Variants in SNTG2 observed in about 807,000 individuals in gnomAD.
The protein encoded by SNTG2 is syntrophin gamma 2.
In SNTG2, 74 loss-of-function variants were observed where a neutral mutation model predicts 70.9. The observed-to-expected ratio is 1.04, with a 90% CI of 0.86 to 1.27. SNTG2 has a LOEUF of 1.27. SNTG2 is among the 50% of genes most tolerant of loss of function. SNTG2 has a pLI of 0.00. For synonymous variants in SNTG2, 278 were observed against 273.8 expected (o/e 1.02, Z -0.15); for missense variants, 717 against 690.7 (o/e 1.04, Z -0.43).
chr2:1,313,923 C>A (rs371023300), intron 15 of SNTG2, among the ~76,000 whole-genome samples: 2 of 152,180 alleles, frequency 1.3e-5, no homozygotes, highest in Admixed American at 1.3e-4. Flanking sequence ...ATTCTCAAAT[C>A]TGCAAATATT....
At chr2:1,114,881 A>C (rs1285032026) in intron 4 of SNTG2, among the ~76,000 whole-genome samples, 1 of 151,700 alleles carries the variant, frequency 6.6e-6, no homozygotes, top group Non-Finnish European at 1.5e-5. Flanking sequence ...AATGGTGTGT[A>C]CTAAGTGTGG....
chr2:1,258,162 C>A (rs575304049), intron 12 of SNTG2, among the ~76,000 whole-genome samples: 5 of 152,232 alleles, frequency 3.3e-5, no homozygotes, highest in Non-Finnish European at 4.4e-5. Context: ...GAGGAATCAG[C>A]GGGCACTGCT....
chr2:1,066,280 A>T (rs933878562), intron 1 of SNTG2, among the ~76,000 whole-genome samples: 3 of 152,186 alleles, frequency 2.0e-5, no homozygotes, highest in African/African-American at 7.2e-5. Flanking sequence ...GGTTGGTGAG[A>T]GATCAGGTGA....
At chr2:1,069,446 C>A (rs1378198958) in intron 1 of SNTG2, among the ~76,000 whole-genome samples, 3 of 149,766 alleles carry the variant, frequency 2.0e-5, no homozygotes, top group African/African-American at 4.9e-5. Context: ...AAGCAATGCA[C>A]GTGGATTATG....
chr2:959,609 C>G lies in SNTG2; in HGVS notation c.72+8541C>G, dbSNP rs563577055. ...TGGGCTGTGCAAAGTCTCAGGGCGG[C>G]CTTTGCTTTACTGGCCTTGGGCTGA... On this transcript the variant is annotated intron_variant, in intron 1 of 16. Transcript: ENST00000308624. Among the ~76,000 whole-genome samples, 5 of 151,384 alleles carry G rather than the reference C, an allele frequency of 3.3e-5. No homozygotes were observed. The South Asian group carries it at 1.0e-3, about 32-fold the overall frequency.
chr2:1,074,694 C>T (rs1172707364), intron 1 of SNTG2, among the ~76,000 whole-genome samples: 1 of 152,126 alleles, frequency 6.6e-6, no homozygotes, highest in East Asian at 1.9e-4. Flanking sequence ...CACCTTATAA[C>T]TTTTTCTGGA....
intron 8 of SNTG2, among the ~76,000 whole-genome samples, chr2:1,188,021 G>A (rs1348993043): frequency 1.8e-4 from 28 of 152,226 alleles, no homozygotes; most frequent in Admixed American, 1.8e-3. Context: ...AGAGTAGAGG[G>A]CATGTAAATG....
At chr2:1,312,217 T>C (rs1681029687) in intron 15 of SNTG2, among the ~76,000 whole-genome samples, 1 of 112,904 alleles carries the variant, frequency 8.9e-6, no homozygotes, top group African/African-American at 3.7e-5. Flanking sequence ...GATGCAAAGT[T>C]TTTTTTTTAA....
At position 1,182,427 on chromosome 2, in the gene SNTG2, A is replaced by T. The variant is rs118007466; in HGVS notation, c.591+9244A>T. ...TTGTAACTAACTGAATGAATCAAGA[A>T]GGGTATAGGAAAAAAGTCTCAAAAC... is the stretch of plus-strand genomic sequence containing the variant. On this transcript the variant is annotated intron_variant, in intron 8 of 16. Transcript: ENST00000308624. 8.1e-4 allele frequency among the ~76,000 whole-genome samples: 123 copies of T among 152,084 alleles called. 4 individuals carry two copies. The East Asian group carries it at 0.019, about 24-fold the overall frequency.
Position 1,221,789 on chromosome 2 carries a change from CTCTG to C in SNTG2, c.719+12567_719+12570del, listed in dbSNP as rs1558550718. Among the ~76,000 whole-genome samples, 2 of 6,396 alleles carry C rather than the reference CTCTG, an allele frequency of 3.1e-4. 1 individual carries two copies. The highest frequency in any genetic ancestry group is 5.4e-4 in the Non-Finnish European group (2 of 3,698). The allele number at this position is 6,396 out of a possible 152,430, so 4.2% of individuals were successfully genotyped here. A position where few individuals can be genotyped will look rare whatever the true frequency, so the allele number is the denominator to read the frequency against. On this transcript the variant is annotated intron_variant, in intron 9 of 16. Coordinates refer to ENST00000308624, the MANE Select transcript of SNTG2 (RefSeq NM_018968.4). ...TGTCTCTGCCTCTCTCTGTCTCTGT[CTCTG>C]TCTGTCTCTGTCTCTCTCTCGGTCT...
chr2:1,230,776 A>G (rs1444569300), intron 9 of SNTG2, among the ~76,000 whole-genome samples: 1 of 152,218 alleles, frequency 6.6e-6, no homozygotes. Flanking sequence ...CCAGTGGCAC[A>G]AGCCCCCGCT....
chr2:1,362,021 A>C (rs866341216), intron 16 of SNTG2, among the ~76,000 whole-genome samples: 2 of 150,904 alleles, frequency 1.3e-5, no homozygotes, highest in African/African-American at 4.9e-5. Context: ...TAGAACTTCC[A>C]TGAAAGTCAT....
At chr2:998,960 T>G (rs1214640303) in intron 1 of SNTG2, among the ~76,000 whole-genome samples, 1 of 152,060 alleles carries the variant, frequency 6.6e-6, no homozygotes, top group Non-Finnish European at 1.5e-5. Context: ...AAGAGAAACC[T>G]CACAAACCAG....
chr2:1,268,047 A>T (rs1646571434), intron 14 of SNTG2, among the ~76,000 whole-genome samples: 2 of 152,218 alleles, frequency 1.3e-5, no homozygotes, highest in African/African-American at 4.8e-5. Flanking sequence ...GTGTGTCTGA[A>T]TTGCTTTTCT....
intron 1 of SNTG2, among the ~76,000 whole-genome samples, chr2:1,004,981 A>G (rs904766492): frequency 2.0e-5 from 3 of 152,246 alleles, no homozygotes; most frequent in Admixed American, 2.0e-4. Context: ...TGGTTCATCC[A>G]GTCACTGTAA....
In SNTG2 at chr2:1,083,693, C is replaced by T. The variant is rs200036018; in HGVS notation, c.210+38C>T. ...ACTTCAGGGAAGTCTTGGAGTGTTTCGGACGAGCCCCATGAACGGTCTTTG... is the reference window on the plus strand; with the variant it reads ...ACTTCAGGGAAGTCTTGGAGTGTTTTGGACGAGCCCCATGAACGGTCTTTG... On this transcript the variant is annotated intron_variant, in intron 2 of 16. Transcript: ENST00000308624. The T allele has an allele frequency of 1.7e-5, 27 of 1,610,320 alleles. No individual in the cohort carries two copies. The African/African-American group carries it at 1.9e-4, about 11-fold the overall frequency.
rs1205824664 is a variant in SNTG2 at position 1,222,087 on chromosome 2, CTCTCTCTG to C, written c.719+12865_719+12872del. Among the ~76,000 whole-genome samples, 5 of 19,132 alleles carry C rather than the reference CTCTCTCTG, an allele frequency of 2.6e-4. 1 individual carries two copies. Among genetic ancestry groups the C allele is most frequent in the Admixed American group, 5.8e-4 (1 of 1,732 alleles). 12.6% of individuals were successfully genotyped at this position (19,132 alleles called of 152,430 possible). On this transcript the variant is annotated intron_variant, in intron 9 of 16. Coordinates refer to ENST00000308624, the MANE Select transcript of SNTG2 (RefSeq NM_018968.4). ...TGTTTCTCTCTGTCTCTGTCTCTGT[CTCTCTCTG>C]TCTCTCTCTGTCTCTCTCTGTCTCT...
At chr2:1,299,133 A>T (rs746452189) in intron 14 of SNTG2, among the ~76,000 whole-genome samples, 1 of 152,272 alleles carries the variant, frequency 6.6e-6, no homozygotes, top group South Asian at 2.1e-4. Context: ...TTTATCCCAT[A>T]AGGCGCAACA....
At chr2:1,046,373 A>T (rs1272991299) in intron 1 of SNTG2, among the ~76,000 whole-genome samples, 1 of 152,042 alleles carries the variant, frequency 6.6e-6, no homozygotes, top group Non-Finnish European at 1.5e-5. Flanking sequence ...TTTAAGATTG[A>T]TATGTGCTGG....
Sources: gnomAD v4.1 joint callset for allele counts (sites outside exome capture counted in the v4.1 genomes callset) on GRCh38, gnomAD v4.1.1 for gene constraint, MANE v1.5 for transcripts, NCBI Gene and HGNC (gene_info 2026-07-23, HGNC 2026-07-21) for gene names.